The following MECOM variants were observed in gnomAD, a reference collection of about 807,000 sequenced individuals.
MECOM encodes the protein MDS1 and EVI1 complex locus, also known as histone-lysine N-methyltransferase MECOM.
Under a neutral mutation model 116.3 loss-of-function variants are expected in MECOM, and 13 were observed. That is an observed-to-expected ratio of 0.11 (90% confidence interval 0.07 to 0.18). MECOM has a LOEUF of 0.18. Ranked by LOEUF, MECOM falls within the 10% of genes least tolerant of loss-of-function variation. The pLI, the probability that MECOM is intolerant of heterozygous loss-of-function variation, is 1.00. For synonymous variants in MECOM, 528 were observed against 535.2 expected (o/e 0.99, Z 0.19); for missense variants, 1,299 against 1,509.0 (o/e 0.86, Z 2.31).
At chr3:169,326,167 A>G (rs1167080233) in intron 2 of MECOM, among the ~76,000 whole-genome samples, 2 of 152,198 alleles carry the variant, frequency 1.3e-5, no homozygotes, top group African/African-American at 4.8e-5. Flanking sequence ...CTTTGGAGAT[A>G]ACTAGGATCT....
intron 2 of MECOM, among the ~76,000 whole-genome samples, chr3:169,362,161 C>A (rs1003953573): frequency 6.6e-6 from 1 of 151,800 alleles, no homozygotes; most frequent in Non-Finnish European, 1.5e-5. Context: ...AAAGTAATTG[C>A]AGTTTTGCCA....
chr3:169,488,830 T>C (rs1465560066), intron 1 of MECOM, among the ~76,000 whole-genome samples: 1 of 151,764 alleles, frequency 6.6e-6, no homozygotes, highest in African/African-American at 2.4e-5. Flanking sequence ...TTAGAGAAAA[T>C]GTATAGACTT....
intron 1 of MECOM, among the ~76,000 whole-genome samples, chr3:169,512,048 G>T (rs1175409048): frequency 6.6e-6 from 1 of 152,174 alleles, no homozygotes; most frequent in African/African-American, 2.4e-5. Context: ...GGCCTCATTT[G>T]TTTCTTCCAC....
chr3:169,644,973 A>G (rs190428254), intron 1 of MECOM, among the ~76,000 whole-genome samples: 3 of 152,260 alleles, frequency 2.0e-5, no homozygotes, highest in African/African-American at 4.8e-5. Context: ...CTTCTTCGGC[A>G]TAAGTACACA....
intron 2 of MECOM, among the ~76,000 whole-genome samples, chr3:169,179,691 A>T (rs1745688309): frequency 6.6e-6 from 1 of 152,238 alleles, no homozygotes; most frequent in African/African-American, 2.4e-5. Context: ...CACCTCTTAC[A>T]AGCTAATAAA....
intron 1 of MECOM, among the ~76,000 whole-genome samples, chr3:169,534,501 A>G (rs560166688): frequency 6.6e-6 from 1 of 152,160 alleles, no homozygotes; most frequent in Non-Finnish European, 1.5e-5. Flanking sequence ...GATAAAAATT[A>G]TGTGGTCATA....
intron 1 of MECOM, among the ~76,000 whole-genome samples, chr3:169,433,689 G>GAAAGAAAGAAAGAAAGAGAA (rs762521796): frequency 1.0e-5 from 1 of 96,788 alleles, no homozygotes; most frequent in African/African-American, 3.8e-5. Flanking sequence ...AAGAAAGAAA[G>GAAAGAAAGAAAGAAAGAGAA]AGAAAGAAAG....
At chr3:169,451,953 T>C (rs912765580) in intron 1 of MECOM, among the ~76,000 whole-genome samples, 1 of 151,880 alleles carries the variant, frequency 6.6e-6, no homozygotes, top group Non-Finnish European at 1.5e-5. Context: ...GTTTTTCTCC[T>C]TACTTCTGCT....
At chr3:169,464,438 A>G (rs1747952607) in intron 1 of MECOM, among the ~76,000 whole-genome samples, 1 of 152,102 alleles carries the variant, frequency 6.6e-6, no homozygotes, top group Non-Finnish European at 1.5e-5. Context: ...CTTGTTGTCC[A>G]TCAGGATGTC....
chr3:169,519,521 CA>C (rs1757101383), intron 1 of MECOM, among the ~76,000 whole-genome samples: 2 of 152,202 alleles, frequency 1.3e-5, no homozygotes, highest in African/African-American at 4.8e-5. Context: ...AGTAGTTCCA[CA>C]AACAGTGTGG....
rs746379599 is a variant in MECOM, at chr3:169,116,218, C to T, written c.1654G>A (p.Gly552Arg). The change falls in exon 8 of 17, where the codon GGG becomes AGG. Residue 552 changes from glycine (G) to arginine (R), a missense_variant. Around this residue, in one of 6 missense-constraint regions of MECOM, gnomAD observed 238 missense variants for 273.1 expected, o/e 0.87. Coordinates refer to ENST00000651503, the MANE Select transcript of MECOM (RefSeq NM_004991.4). ...LKALSKHPSV[G>R]DNKPVELQPE... Reference sequence around the variant, plus strand: ...TGGAGCTCCACTGGCTTATTGTCCCCTACAGATGGGTGTTTAGATAGTGCC... The same window carrying T: ...TGGAGCTCCACTGGCTTATTGTCCCTTACAGATGGGTGTTTAGATAGTGCC... 18 of 1,614,026 alleles carry T rather than the reference C, an allele frequency of 1.1e-5. No homozygotes were observed. The African/African-American group carries it at 1.7e-4, about 16-fold the overall frequency.
chr3:169,090,532 C>T (rs1311939077), intron 14 of MECOM, among the ~76,000 whole-genome samples: 3 of 152,022 alleles, frequency 2.0e-5, no homozygotes, highest in Admixed American at 6.6e-5. Context: ...ATTGATATTG[C>T]TATATATATC....
chr3:169,393,766 G>A (rs2108350649), intron 1 of MECOM, among the ~76,000 whole-genome samples: 1 of 152,108 alleles, frequency 6.6e-6, no homozygotes, highest in South Asian at 2.1e-4. Context: ...TGCTAATTAA[G>A]TTACATAAAA....
At chr3:169,519,116 A>G (rs1213405324) in intron 1 of MECOM, among the ~76,000 whole-genome samples, 2 of 152,364 alleles carry the variant, frequency 1.3e-5, no homozygotes, top group South Asian at 4.1e-4. Context: ...AAATTTTTAA[A>G]TAAATGAGAA....
chr3:169,232,590 G>A (rs1753532501), intron 2 of MECOM, among the ~76,000 whole-genome samples: 1 of 151,826 alleles, frequency 6.6e-6, no homozygotes, highest in African/African-American at 2.4e-5. Context: ...GTTGCAGAGG[G>A]AGTATAAGAC....
At chr3:169,298,800 T>C (rs1012120406) in intron 2 of MECOM, among the ~76,000 whole-genome samples, 3 of 152,238 alleles carry the variant, frequency 2.0e-5, no homozygotes, top group Admixed American at 1.3e-4. Flanking sequence ...GAAGTGATTT[T>C]ACCTGCAGGA....
chr3:169,319,670 G>T (rs1720506273), intron 2 of MECOM, among the ~76,000 whole-genome samples: 1 of 152,214 alleles, frequency 6.6e-6, no homozygotes, highest in Admixed American at 6.5e-5. Flanking sequence ...AAATAACAGA[G>T]TTTATTTTGG....
At chr3:169,263,132 T>TTG (rs1162547152) in intron 2 of MECOM, among the ~76,000 whole-genome samples, 10 of 117,556 alleles carry the variant, frequency 8.5e-5, no homozygotes, top group African/African-American at 3.5e-4. Context: ...TATATATGTT[T>TTG]TTTTTTTTTT....
chr3:169,454,850 A>G (rs906466921), intron 1 of MECOM, among the ~76,000 whole-genome samples: 4 of 152,226 alleles, frequency 2.6e-5, no homozygotes. Flanking sequence ...CTAATTATAA[A>G]GCCTGACACG....
Sources: gnomAD v4.1 joint callset for allele counts (sites outside exome capture counted in the v4.1 genomes callset) on GRCh38, gnomAD v4.1.1 for gene constraint, gnomAD v4.1.1 regional missense constraint, MANE v1.5 for transcripts, NCBI Gene and HGNC (gene_info 2026-07-23, HGNC 2026-07-21) for gene names.